Variants in PCDHA7 observed in about 807,000 individuals in gnomAD.
The protein encoded by PCDHA7 is protocadherin alpha-7.
PCDHA7 carries 37 observed loss-of-function variants against 57.2 expected under a neutral mutation model. The ratio of observed to expected loss-of-function variants is 0.65; its 90% CI spans 0.50 to 0.85. The LOEUF is 0.85. Ranked by LOEUF, PCDHA7 falls within the 40% of genes least tolerant of loss-of-function variation. PCDHA7 has a pLI of 0.00. For synonymous variants in PCDHA7, 553 were observed against 558.8 expected, an observed-to-expected ratio of 0.99 and a Z score of 0.15; for missense variants, 1,188 against 1,241.8, an observed-to-expected ratio of 0.96 and a Z score of 0.65.
intron 1 of PCDHA7, chr5:140,843,594 T>G: frequency 6.3e-7 from 1 of 1,595,928 alleles, no homozygotes; most frequent in Middle Eastern, 1.7e-4. Context: ...CCGCAGAGGG[T>G]GTGCTCTGGT....
chr5:140,905,011 T>A (rs551000720), intron 1 of PCDHA7, among the ~76,000 whole-genome samples: 44 of 152,296 alleles, frequency 2.9e-4, no homozygotes, highest in African/African-American at 1.0e-3. Context: ...CTTTGCTAAT[T>A]CTTTTCTATG....
intron 1 of PCDHA7, chr5:140,851,041 G>T: frequency 7.2e-7 from 1 of 1,393,950 alleles, no homozygotes. Context: ...TAACATTGGA[G>T]CCGACTTTGT....
chr5:140,916,227 C>T (rs1554197349), intron 1 of PCDHA7, among the ~76,000 whole-genome samples: 2 of 152,208 alleles, frequency 1.3e-5, no homozygotes, highest in African/African-American at 4.8e-5. Context: ...AATATGCTTT[C>T]CAGGAGCCAA....
intron 1 of PCDHA7, among the ~76,000 whole-genome samples, chr5:140,941,026 C>T (rs1330663914): frequency 6.6e-6 from 1 of 152,066 alleles, no homozygotes; most frequent in Admixed American, 6.5e-5. Flanking sequence ...TTCCTTCTGG[C>T]CTTTTTGGTG....
At chr5:140,990,988 C>A (rs1332573282) in intron 3 of PCDHA7, among the ~76,000 whole-genome samples, 5 of 152,184 alleles carry the variant, frequency 3.3e-5, no homozygotes, top group Admixed American at 6.5e-5. Flanking sequence ...AAGACAATAG[C>A]TACCATTTAT....
intron 1 of PCDHA7, chr5:140,852,586 T>TA (rs1469930347): frequency 1.0e-5 from 9 of 878,452 alleles, no homozygotes; most frequent in Non-Finnish European, 1.1e-5. Flanking sequence ...TTTTTTATTT[T>TA]TTTTTTTTGT....
intron 1 of PCDHA7, chr5:140,870,154 G>T (rs1243170344): frequency 6.2e-7 from 1 of 1,614,130 alleles, no homozygotes; most frequent in African/African-American, 1.3e-5. Flanking sequence ...TGAAGTCGCC[G>T]TGACTTCCTT....
chr5:140,966,724 C>G (rs1357964806), intron 1 of PCDHA7: 25 of 1,396,170 alleles, frequency 1.8e-5, no homozygotes, highest in Non-Finnish European at 2.3e-5. Context: ...GGGAAGCTGC[C>G]GCCTCCGGCC....
At chr5:140,935,264 A>G (rs756476804) in intron 1 of PCDHA7, among the ~76,000 whole-genome samples, 3 of 152,196 alleles carry the variant, frequency 2.0e-5, no homozygotes, top group African/African-American at 7.2e-5. Context: ...TCACATGTTT[A>G]TACTAATCTA....
chr5:140,847,504 T>C (rs1781050995), intron 1 of PCDHA7: 1 of 149,690 alleles, frequency 6.7e-6, no homozygotes. Flanking sequence ...ACAACAAAAC[T>C]TTGTAGAACT....
intron 1 of PCDHA7, chr5:140,841,564 T>C (rs2150318261): frequency 1.2e-6 from 2 of 1,613,882 alleles, no homozygotes; most frequent in South Asian, 1.1e-5. Flanking sequence ...GTCTGCAGAA[T>C]GGCATTTTGT....
At chr5:140,894,710 G>A (rs1032103787) in intron 1 of PCDHA7, among the ~76,000 whole-genome samples, 1 of 151,116 alleles carries the variant, frequency 6.6e-6, no homozygotes, top group Non-Finnish European at 1.5e-5. Context: ...TGTTTAAGTT[G>A]TTTTCAAATA....
At chr5:140,948,253 AT>A (rs1365335948) in intron 1 of PCDHA7, among the ~76,000 whole-genome samples, 1 of 151,624 alleles carries the variant, frequency 6.6e-6, no homozygotes, top group Non-Finnish European at 1.5e-5. Context: ...ATATTTTTAC[AT>A]CTGTGTTCAT....
chr5:140,877,422 G>A (rs781813282), intron 1 of PCDHA7: 2 of 1,613,784 alleles, frequency 1.2e-6, no homozygotes, highest in Admixed American at 1.7e-5. Context: ...TGCTGGTGCT[G>A]GTGAAGGACC....
rs137875021 is a variant in PCDHA7, at chr5:140,942,837, A to C, written c.2356-36112A>C. Among the ~76,000 whole-genome samples, 666 of 152,296 alleles carry C rather than the reference A, an allele frequency of 4.4e-3. 3 individuals are homozygous for C. Among genetic ancestry groups the C allele is most frequent in the African/African-American group, 0.016 (646 of 41,564 alleles). On this transcript the variant is annotated intron_variant, in intron 1 of 3. Transcript: ENST00000525929. ...TTGGATTTGGCCCTGTGTCAATAAA[A>C]ATTCCAGTAAGATGATTATTTTGCT...
At chr5:140,882,407 C>A (rs368121978) in intron 1 of PCDHA7, 48 of 1,614,006 alleles carry the variant, frequency 3.0e-5, no homozygotes, top group Non-Finnish European at 1.3e-5. Flanking sequence ...CTTCGTGGGC[C>A]GCATCGCTCA....
chr5:140,892,058 T>C (rs1417540713), intron 1 of PCDHA7, among the ~76,000 whole-genome samples: 3 of 152,248 alleles, frequency 2.0e-5, no homozygotes, highest in African/African-American at 4.8e-5. Context: ...TCAAATTTAT[T>C]GTTACTTTGT....
chr5:140,964,847 C>T (rs2095858231), intron 1 of PCDHA7, among the ~76,000 whole-genome samples: 1 of 152,124 alleles, frequency 6.6e-6, no homozygotes, highest in African/African-American at 2.4e-5. Flanking sequence ...ACTCTGTACC[C>T]TTGAGGAAAC....
intron 1 of PCDHA7, chr5:140,969,174 G>A (rs777458792): frequency 6.2e-7 from 1 of 1,614,076 alleles, no homozygotes; most frequent in South Asian, 1.1e-5. Flanking sequence ...GGCTCAGGGA[G>A]TGACACTTTC....
Sources: allele counts gnomAD v4.1 joint callset (sites outside exome capture counted in the v4.1 genomes callset), GRCh38; gene constraint gnomAD v4.1.1; transcripts MANE v1.5; gene names NCBI Gene and HGNC (gene_info 2026-07-23, HGNC 2026-07-21).